RARB: variants seen among roughly 807,000 people sequenced by gnomAD.
The protein encoded by RARB is retinoic acid receptor beta.
Under a neutral mutation model 51.9 loss-of-function variants are expected in RARB, and 17 were observed. The observed-to-expected ratio is 0.33, with a 90% CI of 0.22 to 0.49. RARB has a LOEUF of 0.49. Ranked by LOEUF, RARB falls within the 20% of genes least tolerant of loss-of-function variation. RARB has a pLI of 0.99. For synonymous variants in RARB, 215 were observed against 195.4 expected, an observed-to-expected ratio of 1.10 and a Z score of -0.84; for missense variants, 369 against 550.8, an observed-to-expected ratio of 0.67 and a Z score of 3.30.
At chr3:25,072,674 C>T (rs1698790993) in intron 3 of RARB, among the ~76,000 whole-genome samples, 1 of 152,026 alleles carries the variant, frequency 6.6e-6, no homozygotes, top group Non-Finnish European at 1.5e-5. Flanking sequence ...TTAGAAATGG[C>T]TTCTATCTAC....
At chr3:25,082,902 T>A (rs971377965) in intron 3 of RARB, among the ~76,000 whole-genome samples, 2 of 152,096 alleles carry the variant, frequency 1.3e-5, no homozygotes, top group African/African-American at 4.8e-5. Context: ...CTTCTTAATA[T>A]CACCTTTATT....
At chr3:25,321,486 G>T (rs554038437) in intron 5 of RARB, among the ~76,000 whole-genome samples, 1 of 152,154 alleles carries the variant, frequency 6.6e-6, no homozygotes, top group South Asian at 2.1e-4. Flanking sequence ...GGGAGGCCGA[G>T]GCAGTCCAGT....
intron 5 of RARB, among the ~76,000 whole-genome samples, chr3:25,372,428 A>G (rs947377701): frequency 2.6e-5 from 4 of 152,246 alleles, no homozygotes; most frequent in Non-Finnish European, 5.9e-5. Context: ...AACTACTTCA[A>G]GGAGAAATTT....
chr3:24,978,278 T>A (rs1300421143), intron 2 of RARB, among the ~76,000 whole-genome samples: 1 of 152,336 alleles, frequency 6.6e-6, no homozygotes, highest in East Asian at 1.9e-4. Flanking sequence ...TAAAATGAGT[T>A]AGGGAGAATT....
chr3:24,898,030 T>C (rs546131851), intron 2 of RARB, among the ~76,000 whole-genome samples: 1 of 152,172 alleles, frequency 6.6e-6, no homozygotes, highest in South Asian at 2.1e-4. Flanking sequence ...AGAAAGACTT[T>C]AGACCTCATG....
intron 4 of RARB, among the ~76,000 whole-genome samples, chr3:25,137,077 G>T (rs1580814): frequency 1.3e-5 from 2 of 151,776 alleles, no homozygotes; most frequent in African/African-American, 4.8e-5. Flanking sequence ...ACTGCTTTGA[G>T]ATGAAAGTAC....
At chr3:25,260,321 G>T (rs969855577) in intron 5 of RARB, among the ~76,000 whole-genome samples, 1 of 152,114 alleles carries the variant, frequency 6.6e-6, no homozygotes, top group African/African-American at 2.4e-5. Flanking sequence ...GAACCTCCAT[G>T]TTCTGTTTTA....
intron 2 of RARB, among the ~76,000 whole-genome samples, chr3:25,490,366 G>A (rs535572715): frequency 2.4e-4 from 37 of 152,304 alleles, no homozygotes; most frequent in African/African-American, 8.7e-4. Context: ...TCTGTGAGAG[G>A]CCTTTGAATT....
intron 2 of RARB, among the ~76,000 whole-genome samples, chr3:24,898,536 T>C (rs1257168488): frequency 1.3e-5 from 2 of 152,050 alleles, no homozygotes; most frequent in Non-Finnish European, 2.9e-5. Context: ...GTTTGAAAAA[T>C]AACCTTATGC....
intron 5 of RARB, among the ~76,000 whole-genome samples, chr3:25,226,592 T>A (rs1702061749): frequency 6.6e-6 from 1 of 152,158 alleles, no homozygotes; most frequent in African/African-American, 2.4e-5. Context: ...AGTGAACAAG[T>A]ACAACATCTG....
chr3:25,559,243 C>A (rs923647120), intron 3 of RARB, among the ~76,000 whole-genome samples: 1 of 152,176 alleles, frequency 6.6e-6, no homozygotes, highest in Non-Finnish European at 1.5e-5. Flanking sequence ...GTTGAACATT[C>A]CTTATGGAGA....
chr3:25,281,929 A>G (rs918895427), intron 5 of RARB, among the ~76,000 whole-genome samples: 1 of 152,220 alleles, frequency 6.6e-6, no homozygotes, highest in Non-Finnish European at 1.5e-5. Context: ...CTAATCATAT[A>G]TTTAAGTGCC....
At chr3:25,118,789 C>A (rs537375027) in intron 3 of RARB, among the ~76,000 whole-genome samples, 36 of 152,014 alleles carry the variant, frequency 2.4e-4, no homozygotes, top group African/African-American at 8.4e-4. Context: ...CAAGATCCTC[C>A]CCAGAAAGTC....
chr3:25,304,016 A>G (rs1355602410), intron 5 of RARB, among the ~76,000 whole-genome samples: 4 of 152,304 alleles, frequency 2.6e-5, no homozygotes, highest in South Asian at 2.1e-4. Context: ...AATGGAAAAC[A>G]TGGTAGATCC....
At chr3:25,500,967 T>A (rs1245159777) in intron 2 of RARB, among the ~76,000 whole-genome samples, 1 of 152,184 alleles carries the variant, frequency 6.6e-6, no homozygotes, top group East Asian at 1.9e-4. Context: ...ATAATGGTCA[T>A]GTCTAGTTTT....
At chr3:25,476,334 T>G (rs957893086) in intron 2 of RARB, among the ~76,000 whole-genome samples, 19 of 152,202 alleles carry the variant, frequency 1.2e-4, no homozygotes, top group African/African-American at 4.6e-4. Context: ...CACAGCTGCA[T>G]TTATATGCAC....
intron 5 of RARB, among the ~76,000 whole-genome samples, chr3:25,384,837 G>T (rs190521389): frequency 2.6e-5 from 4 of 152,146 alleles, no homozygotes; most frequent in Admixed American, 6.5e-5. Flanking sequence ...AATTCTGTTC[G>T]TTCAGAAAGC....
In RARB at chr3:25,428,771, C is replaced by T; in HGVS notation, c.40C>T (p.Gln14Ter). 1 of 1,614,106 alleles carries T rather than the reference C, an allele frequency of 6.2e-7. No homozygotes were observed. Among genetic ancestry groups the T allele is most frequent in the Non-Finnish European group, 8.5e-7 (1 of 1,180,010 alleles). The change falls in exon 1 of 8, where the codon CAA (glutamine) becomes TAA (stop). Residue 14 changes from glutamine to a stop codon, truncating the protein, a stop_gained. Transcript: ENST00000330688. LOFTEE classifies it high-confidence loss of function. ...CMDVLSVSPGQILDFYTASPS... is the reference protein window; with the variant it reads ...CMDVLSVSPG ...GGATGTTCTGTCAGTGAGTCCTGGG[C>T]AAATCCTGGATTTCTACACTGCGAG...
chr3:24,918,140 A>G (rs1432383670), intron 2 of RARB, among the ~76,000 whole-genome samples: 3 of 152,196 alleles, frequency 2.0e-5, no homozygotes, highest in Non-Finnish European at 2.9e-5. Context: ...AAAAAATGCA[A>G]ACAATCCAAA....
Sources: allele counts gnomAD v4.1 joint callset (sites outside exome capture counted in the v4.1 genomes callset), GRCh38; gene constraint gnomAD v4.1.1; transcripts MANE v1.5; gene names NCBI Gene and HGNC (gene_info 2026-07-23, HGNC 2026-07-21).